Variants in TMTC2 observed in about 807,000 individuals in gnomAD.
TMTC2 encodes transmembrane O-mannosyltransferase targeting cadherins 2, also known as protein O-mannosyl-transferase TMTC2.
Under a neutral mutation model 82.4 loss-of-function variants are expected in TMTC2, and 43 were observed. That is an observed-to-expected ratio of 0.52 (90% CI 0.41 to 0.67). The LOEUF (loss-of-function observed/expected upper bound fraction) is 0.67. TMTC2 is among the 30% of genes least tolerant of loss of function. The probability of loss-of-function intolerance (pLI) is 0.00; values close to 1 mark genes in which losing one functional copy is unlikely to be tolerated. For missense variants in TMTC2, 919 were observed against 1,012.4 expected (o/e 0.91, Z 1.25); for synonymous variants, 408 against 381.9 (o/e 1.07, Z -0.80).
intron 8 of TMTC2, among the ~76,000 whole-genome samples, chr12:83,000,241 TCTC>T (rs1332299972): frequency 3.3e-5 from 5 of 152,006 alleles, no homozygotes; most frequent in Admixed American, 2.0e-4. Flanking sequence ...TTCAAGCAAT[TCTC>T]CTGCCTCAGC....
chr12:83,087,235 G>T (rs1883691488), intron 11 of TMTC2, among the ~76,000 whole-genome samples: 1 of 152,026 alleles, frequency 6.6e-6, no homozygotes, highest in Non-Finnish European at 1.5e-5. Context: ...TTTTTCCTGG[G>T]CTTATAATAA....
At chr12:82,992,728 A>T (rs1459567228) in intron 8 of TMTC2, among the ~76,000 whole-genome samples, 1 of 152,114 alleles carries the variant, frequency 6.6e-6, no homozygotes, top group Middle Eastern at 3.2e-3. Context: ...TTTGTTTTCT[A>T]GTATCAGTCT....
intron 7 of TMTC2, among the ~76,000 whole-genome samples, chr12:82,980,805 C>A (rs1299176991): frequency 6.6e-6 from 1 of 151,830 alleles, no homozygotes; most frequent in Non-Finnish European, 1.5e-5. Flanking sequence ...TTGCCCATAG[C>A]CACTTACTAT....
intron 4 of TMTC2, among the ~76,000 whole-genome samples, chr12:82,963,826 TATATA>T (rs1375893235): frequency 4.2e-5 from 4 of 94,342 alleles, no homozygotes; most frequent in African/African-American, 2.4e-4. Flanking sequence ...TATATATATA[TATATA>T]TATATATATA....
intron 1 of TMTC2, among the ~76,000 whole-genome samples, chr12:82,841,700 G>A (rs1451630429): frequency 6.6e-6 from 1 of 152,164 alleles, no homozygotes; most frequent in Non-Finnish European, 1.5e-5. Context: ...AGATGTATGT[G>A]TGTGTGTATA....
intron 1 of TMTC2, among the ~76,000 whole-genome samples, chr12:82,785,000 A>T (rs1468841449): frequency 6.6e-6 from 1 of 152,106 alleles, no homozygotes; most frequent in Non-Finnish European, 1.5e-5. Context: ...ATTGGGAATA[A>T]TAAGAGTGAA....
At chr12:82,875,374 G>GCATATATATATATATATATA (rs1032944879) in intron 2 of TMTC2, among the ~76,000 whole-genome samples, 6 of 150,838 alleles carry the variant, frequency 4.0e-5, no homozygotes, top group African/African-American at 1.5e-4. Flanking sequence ...ATATATGTGT[G>GCATATATATATATATATATA]TATATATATA....
chr12:82,815,033 T>A (rs1201662317), intron 1 of TMTC2, among the ~76,000 whole-genome samples: 1 of 152,070 alleles, frequency 6.6e-6, no homozygotes, highest in Non-Finnish European at 1.5e-5. Context: ...GAGGTACTGC[T>A]TCTAGGCTTG....
intron 1 of TMTC2, among the ~76,000 whole-genome samples, chr12:82,856,699 T>A (rs1871273390): frequency 6.6e-6 from 1 of 152,190 alleles, no homozygotes; most frequent in Non-Finnish European, 1.5e-5. Context: ...AGCCAGTATG[T>A]CACATGATTT....
chr12:82,701,614 T>G lies in TMTC2; in HGVS notation c.83+13945T>G, dbSNP rs11115349. Among the ~76,000 whole-genome samples, 278 of 130,842 alleles carry G rather than the reference T, an allele frequency of 2.1e-3. 1 individual carries two copies. Among genetic ancestry groups the G allele is most frequent in the South Asian group, 6.7e-3 (25 of 3,728 alleles). The allele number at this position is 130,842 out of a possible 152,430, so 85.8% of individuals were successfully genotyped here. ...TAAAAAAAAAAAAAAAAAAAAAAAT[T>G]TCTGGGTGTGGAGGTGCAAGCCTGT... On this transcript the variant is annotated intron_variant, in intron 1 of 11. Coordinates refer to ENST00000321196, the MANE Select transcript of TMTC2 (RefSeq NM_152588.3).
At chr12:82,761,091 T>C (rs1876602095) in intron 1 of TMTC2, among the ~76,000 whole-genome samples, 2 of 151,990 alleles carry the variant, frequency 1.3e-5, no homozygotes, top group Admixed American at 6.6e-5. Context: ...ACCAAAAAGG[T>C]TGGGGACTGC....
Position 82,857,359 on chromosome 12 carries a change from A to G in TMTC2, c.433A>G (p.Ser145Gly), listed in dbSNP as rs1420986848. The part of the protein sequence containing the change: ...GIVGRADVGA[S>G]LFFLLSLLCY... ...CGTGGGACGAGCCGATGTCGGGGCC[A>G]GTCTCTTCTTTCTCCTCTCCTTGCT... The change falls in exon 2 of 12, where the codon AGT (serine) becomes GGT (glycine). Residue 145 changes from serine (S) to glycine (G), a missense_variant. Physicochemically the swap from Ser to Gly is moderately conservative, Grantham distance 56. Transcript: ENST00000321196. 3.7e-6 allele frequency: 6 copies of G among 1,614,162 alleles called. No individual in the cohort carries two copies. The East Asian group carries it at 6.7e-5, about 18-fold the overall frequency.
chr12:82,710,455 G>T (rs1000847227), intron 1 of TMTC2, among the ~76,000 whole-genome samples: 3 of 152,166 alleles, frequency 2.0e-5, no homozygotes, highest in Admixed American at 1.3e-4. Flanking sequence ...CAAGATGATT[G>T]CTGTAAACAG....
chr12:83,111,822 GAC>G (rs1472927810), intron 11 of TMTC2, among the ~76,000 whole-genome samples: 3 of 151,886 alleles, frequency 2.0e-5, no homozygotes, highest in Admixed American at 1.3e-4. Context: ...TAATTGATGA[GAC>G]ATACTCTGTT....
intron 1 of TMTC2, among the ~76,000 whole-genome samples, chr12:82,729,961 A>G (rs11115362): frequency 0.29 from 44,186 of 152,008 alleles, 7,593 homozygotes; most frequent in East Asian, 0.51. Flanking sequence ...TGTAACACTT[A>G]TCGGGAAGGT....
chr12:82,803,902 C>G (rs982691754), intron 1 of TMTC2, among the ~76,000 whole-genome samples: 2 of 152,018 alleles, frequency 1.3e-5, no homozygotes. Flanking sequence ...TAATAAACTT[C>G]CACTCCTACT....
intron 4 of TMTC2, among the ~76,000 whole-genome samples, chr12:82,956,692 G>T (rs376945687): frequency 6.6e-6 from 1 of 152,068 alleles, no homozygotes; most frequent in Non-Finnish European, 1.5e-5. Context: ...GACCTCAGGT[G>T]ATCCGCCCGC....
At chr12:83,021,501 G>A (rs536286942) in intron 8 of TMTC2, among the ~76,000 whole-genome samples, 5 of 152,186 alleles carry the variant, frequency 3.3e-5, no homozygotes, top group Admixed American at 1.3e-4. Flanking sequence ...AAGCTGAGTC[G>A]GGAGGGTCAC....
intron 4 of TMTC2, among the ~76,000 whole-genome samples, chr12:82,932,157 T>C (rs1015604655): frequency 2.0e-5 from 3 of 152,114 alleles, no homozygotes; most frequent in Non-Finnish European, 2.9e-5. Flanking sequence ...AAAAAATAAC[T>C]AAAAATAAAC....
Sources: allele counts gnomAD v4.1 joint callset (sites outside exome capture counted in the v4.1 genomes callset), GRCh38; gene constraint gnomAD v4.1.1; transcripts MANE v1.5; gene names NCBI Gene and HGNC (gene_info 2026-07-23, HGNC 2026-07-21).